The following PDGFRL variants were observed in gnomAD, a reference collection of about 807,000 sequenced individuals.
The protein encoded by PDGFRL is platelet derived growth factor receptor like.
A neutral mutation model predicts 37.2 loss-of-function variants in PDGFRL; 46 were observed. That is an observed-to-expected ratio of 1.24 (90% CI 0.98 to 1.58). The LOEUF is 1.58. Among genes scored for constraint, PDGFRL ranks in the 40% most tolerant of loss-of-function variants. The pLI, the probability that PDGFRL is intolerant of heterozygous loss-of-function variation, is 0.00. For synonymous variants in PDGFRL, 251 were observed against 184.3 expected (o/e 1.36, Z -2.93); for missense variants, 692 against 467.6 (o/e 1.48, Z -4.43).
chr8:17,629,465 C>G (rs944909135), intron 4 of PDGFRL, among the ~76,000 whole-genome samples: 33 of 152,164 alleles, frequency 2.2e-4, no homozygotes, highest in African/African-American at 7.7e-4. Context: ...CTAAGGACAT[C>G]ATTCATTCCC....
At chr8:17,605,840 G>T (rs951686280) in intron 2 of PDGFRL, among the ~76,000 whole-genome samples, 15 of 152,176 alleles carry the variant, frequency 9.9e-5, no homozygotes, top group African/African-American at 3.6e-4. Flanking sequence ...GGAGTGCGTG[G>T]GGCACAGGAG....
At chr8:17,637,067 C>T (rs1804985902) in intron 5 of PDGFRL, among the ~76,000 whole-genome samples, 1 of 152,162 alleles carries the variant, frequency 6.6e-6, no homozygotes, top group East Asian at 1.9e-4. Flanking sequence ...CAAACAGCGA[C>T]AGTTTGACTT....
chr8:17,578,232 G>A (rs1052009003), intron 1 of PDGFRL, among the ~76,000 whole-genome samples: 5 of 152,154 alleles, frequency 3.3e-5, no homozygotes, highest in African/African-American at 9.7e-5. Context: ...TTTTTGCTTA[G>A]ATTTAGTGGA....
chr8:17,592,956 C>G (rs1585303944), intron 2 of PDGFRL, among the ~76,000 whole-genome samples: 1 of 148,202 alleles, frequency 6.7e-6, no homozygotes, highest in Admixed American at 6.7e-5. Context: ...ACACACTACT[C>G]TACACACACA....
chr8:17,619,223 G>A (rs1021189818), intron 2 of PDGFRL, among the ~76,000 whole-genome samples: 1 of 152,178 alleles, frequency 6.6e-6, no homozygotes, highest in Admixed American at 6.5e-5. Flanking sequence ...GATTAAAACT[G>A]CTTATTTTGG....
chr8:17,634,051 G>C (rs774686816), intron 4 of PDGFRL, 23 bp from the exon 5 acceptor site: 1 of 1,612,576 alleles, frequency 6.2e-7, no homozygotes, highest in Non-Finnish European at 8.5e-7. Context: ...GTCTCACTCT[G>C]CCTGTTTCGT....
intron 2 of PDGFRL, among the ~76,000 whole-genome samples, chr8:17,609,928 C>T (rs964666198): frequency 1.3e-5 from 2 of 152,164 alleles, no homozygotes; most frequent in Non-Finnish European, 2.9e-5. Context: ...GATTTACCAT[C>T]AAAGTGGCAT....
At position 17,621,216 on chromosome 8, in the gene PDGFRL, T is replaced by G. The variant is rs765163684; in HGVS notation, c.505+14T>G. 2 of 1,587,234 alleles carry G rather than the reference T, an allele frequency of 1.3e-6. No homozygotes were observed. The highest frequency in any genetic ancestry group is 1.7e-6 in the Non-Finnish European group (2 of 1,159,848). Reference sequence around the variant, plus strand: ...TCTTTTTTACAGGTAAAATACTTGGTGCATTAATGGAACTCTTCAAACTTC... The same window carrying G: ...TCTTTTTTACAGGTAAAATACTTGGGGCATTAATGGAACTCTTCAAACTTC... On this transcript the variant is annotated intron_variant, in intron 3 of 5. Transcript: ENST00000251630.
intron 5 of PDGFRL, among the ~76,000 whole-genome samples, chr8:17,641,203 A>C (rs11203879): frequency 0.78 from 119,019 of 152,140 alleles, 47,625 homozygotes; most frequent in Non-Finnish European, 0.89. Flanking sequence ...AGCCTCTTGG[A>C]TAAGAAAGCA....
rs146198061 is a variant in PDGFRL, at chr8:17,591,536, A to G, written c.353+1771A>G. On this transcript the variant is annotated intron_variant, in intron 2 of 5. Transcript: ENST00000251630. ...GATTTCTAAGATTCTTTCTGGCCCT[A>G]TTTCCGTATATGATGGAGAAATAGG... is the stretch of plus-strand genomic sequence containing the variant. 5.8e-3 allele frequency among the ~76,000 whole-genome samples: 887 copies of G among 152,266 alleles called. 7 individuals carry two copies. The highest frequency in any genetic ancestry group is 0.017 in the African/African-American group (727 of 41,562).
intron 2 of PDGFRL, among the ~76,000 whole-genome samples, chr8:17,612,914 T>G (rs990201697): frequency 6.6e-5 from 10 of 152,264 alleles, no homozygotes; most frequent in South Asian, 2.1e-4. Flanking sequence ...TATCAAAATA[T>G]TCTATCTCTT....
chr8:17,612,297 T>C (rs112870475), intron 2 of PDGFRL, among the ~76,000 whole-genome samples: 51 of 152,320 alleles, frequency 3.3e-4, no homozygotes, highest in African/African-American at 1.2e-3. Context: ...TAAGCAGTTT[T>C]ACTTGTTTTG....
intron 5 of PDGFRL, among the ~76,000 whole-genome samples, chr8:17,639,889 TCTC>T (rs1235912196): frequency 2.0e-5 from 3 of 152,218 alleles, no homozygotes; most frequent in African/African-American, 7.2e-5. Flanking sequence ...CTTTTAGATT[TCTC>T]CTCTTCCTCA....
chr8:17,598,838 G>A (rs770013089), intron 2 of PDGFRL, among the ~76,000 whole-genome samples: 1 of 152,080 alleles, frequency 6.6e-6, no homozygotes, highest in Non-Finnish European at 1.5e-5. Flanking sequence ...GAGATCACAT[G>A]GTTTTCTAAG....
At chr8:17,591,557 A>G (rs1803940618) in intron 2 of PDGFRL, among the ~76,000 whole-genome samples, 1 of 152,336 alleles carries the variant, frequency 6.6e-6, no homozygotes, top group African/African-American at 2.4e-5. Context: ...TGATGGAGAA[A>G]TAGGATGGAC....
intron 3 of PDGFRL, among the ~76,000 whole-genome samples, chr8:17,621,407 T>G (rs564213864): frequency 6.7e-6 from 1 of 150,268 alleles, no homozygotes; most frequent in South Asian, 2.1e-4. Context: ...TTATTCCTGT[T>G]TTTTTTTTTT....
intron 5 of PDGFRL, 143 bp downstream of exon 5, chr8:17,634,356 C>A (rs1804926364): frequency 4.9e-6 from 3 of 614,920 alleles, no homozygotes; most frequent in African/African-American, 1.9e-5. Flanking sequence ...ATGTTGGGGG[C>A]CAGGTATTGT....
Position 17,628,753 on chromosome 8 carries a change from G to C in PDGFRL, c.772G>C (p.Val258Leu), listed in dbSNP as rs773616641. The C allele has an allele frequency of 6.2e-7, 1 of 1,613,882 alleles. No homozygotes were observed. Among genetic ancestry groups the C allele is most frequent in the South Asian group, 1.1e-5 (1 of 91,072 alleles). ...GGCCGGGGGCAGATCTCAGATCTCC[G>C]TCAAGTACCAGCTGCTCTATGTGGC... ...AEAGGRSQIS[V>L]KYQLLYVAVP... The change falls in exon 4 of 6, where the codon GTC (valine) becomes CTC (leucine). Residue 258 changes from valine to leucine, a missense_variant. Coordinates refer to ENST00000251630, the MANE Select transcript of PDGFRL (RefSeq NM_001372073.1).
At chr8:17,617,414 C>T (rs1473411264) in intron 2 of PDGFRL, among the ~76,000 whole-genome samples, 1 of 152,170 alleles carries the variant, frequency 6.6e-6, no homozygotes, top group African/African-American at 2.4e-5. Flanking sequence ...AGCGGTTACA[C>T]AGAAAGGAAG....
Sources: allele counts gnomAD v4.1 joint callset (sites outside exome capture counted in the v4.1 genomes callset), GRCh38; gene constraint gnomAD v4.1.1; transcripts MANE v1.5; gene names NCBI Gene and HGNC (gene_info 2026-07-23, HGNC 2026-07-21).